Variants in TBC1D9 observed in about 807,000 individuals in gnomAD.
TBC1D9 encodes the protein TBC1 domain family member 9.
In TBC1D9, 63 loss-of-function variants were observed where a neutral mutation model predicts 132.0. The ratio of observed to expected loss-of-function variants is 0.48; its 90% CI spans 0.39 to 0.59. The LOEUF is 0.59. TBC1D9 is among the 20% of genes least tolerant of loss of function. TBC1D9 has a pLI of 0.00. For missense variants in TBC1D9, 1,261 were observed against 1,592.7 expected (o/e 0.79, Z 3.54); for synonymous variants, 610 against 609.9 (o/e 1.00, Z 0.00).
At chr4:140,755,518 C>T (rs1738994202) in intron 1 of TBC1D9, among the ~76,000 whole-genome samples, 1 of 152,056 alleles carries the variant, frequency 6.6e-6, no homozygotes, top group Admixed American at 6.6e-5. Flanking sequence ...CTGCTGTTGC[C>T]AGTAAAGAAA....
intron 15 of TBC1D9, among the ~76,000 whole-genome samples, chr4:140,637,574 C>G (rs756654973): frequency 1.3e-5 from 2 of 152,200 alleles, no homozygotes; most frequent in Non-Finnish European, 2.9e-5. Context: ...GCCCTGAGAA[C>G]GTTTCTTCTG....
chr4:140,689,965 G>A (rs552663770), intron 2 of TBC1D9, among the ~76,000 whole-genome samples: 12 of 150,954 alleles, frequency 7.9e-5, no homozygotes, highest in East Asian at 2.0e-4. Flanking sequence ...CAAGCAATCC[G>A]CCAGCCTTGG....
intron 13 of TBC1D9, chr4:140,643,400 C>CT: frequency 2.6e-6 from 1 of 379,968 alleles, no homozygotes; most frequent in Non-Finnish European, 3.8e-6. Context: ...CCATGGCCAC[C>CT]TCCATGCCAG....
At chr4:140,657,017 G>A in intron 13 of TBC1D9, 80 bp downstream of exon 13, 1 of 1,520,326 alleles carries the variant, frequency 6.6e-7, no homozygotes, top group Non-Finnish European at 9.0e-7. Context: ...GTGGTATTCT[G>A]TTATAGCAGC....
chr4:140,747,214 TG>T (rs1738850438), intron 1 of TBC1D9, among the ~76,000 whole-genome samples: 1 of 151,904 alleles, frequency 6.6e-6, no homozygotes, highest in South Asian at 2.1e-4. Flanking sequence ...TAGCCAGGCA[TG>T]GTGGCATGCA....
chr4:140,707,436 T>C (rs1460472986), intron 1 of TBC1D9, among the ~76,000 whole-genome samples: 1 of 152,216 alleles, frequency 6.6e-6, no homozygotes, highest in Non-Finnish European at 1.5e-5. Context: ...ATATATCTTC[T>C]ATACACATGC....
At chr4:140,651,961 G>C (rs879455456) in intron 13 of TBC1D9, among the ~76,000 whole-genome samples, 5 of 152,108 alleles carry the variant, frequency 3.3e-5, no homozygotes, top group Non-Finnish European at 5.9e-5. Flanking sequence ...TTCCTTGGTT[G>C]GGCACGGTGG....
chr4:140,681,499 G>T (rs1380756378), intron 3 of TBC1D9, among the ~76,000 whole-genome samples: 1 of 152,192 alleles, frequency 6.6e-6, no homozygotes, highest in Non-Finnish European at 1.5e-5. Context: ...CTAGTTAAAA[G>T]TAAGCATGTA....
intron 3 of TBC1D9, among the ~76,000 whole-genome samples, chr4:140,682,539 C>A (rs1339205215): frequency 1.3e-5 from 2 of 152,108 alleles, no homozygotes; most frequent in African/African-American, 4.8e-5. Flanking sequence ...CACCTGTGGC[C>A]TATGTGACAT....
intron 13 of TBC1D9, chr4:140,644,726 G>C: frequency 2.4e-6 from 1 of 409,776 alleles, no homozygotes; most frequent in Non-Finnish European, 4.8e-6. Context: ...GAAAAGAGCT[G>C]CAACTGCTGG....
chr4:140,623,048 G>T, intron 20 of TBC1D9, 131 bp from the exon 21 acceptor site: 2 of 1,138,314 alleles, frequency 1.8e-6, no homozygotes, highest in Non-Finnish European at 2.3e-6. Context: ...TAGGCTGGAT[G>T]GACATGTTTA....
intron 13 of TBC1D9, among the ~76,000 whole-genome samples, chr4:140,640,447 T>G (rs201199235): frequency 2.2e-3 from 237 of 107,874 alleles, no homozygotes; most frequent in Middle Eastern, 4.4e-3. Context: ...GGTGGTGGGG[T>G]GGGGGGGGGA....
chr4:140,643,590 GC>G (rs1436797128), intron 13 of TBC1D9: 12 of 903,162 alleles, frequency 1.3e-5, no homozygotes, highest in Non-Finnish European at 1.7e-6. Flanking sequence ...GGCCGCCTGG[GC>G]CAGGCCTTCC....
chr4:140,637,070 A>G (rs182881052), intron 15 of TBC1D9, among the ~76,000 whole-genome samples: 97 of 152,310 alleles, frequency 6.4e-4, no homozygotes, highest in African/African-American at 2.3e-3. Flanking sequence ...ATGTGGTTTC[A>G]GCTGGGCGTA....
At chr4:140,752,812 T>C (rs1446834229) in intron 1 of TBC1D9, among the ~76,000 whole-genome samples, 6 of 152,216 alleles carry the variant, frequency 3.9e-5, no homozygotes, top group Non-Finnish European at 5.9e-5. Context: ...CTGTTTTTTA[T>C]AGCTTTCTGT....
At chr4:140,695,699 A>G (rs1419974584) in intron 2 of TBC1D9, among the ~76,000 whole-genome samples, 1 of 152,216 alleles carries the variant, frequency 6.6e-6, no homozygotes, top group East Asian at 1.9e-4. Context: ...AATGGGCAGA[A>G]AGCCAAATGG....
chr4:140,748,490 C>T (rs1738872487), intron 1 of TBC1D9, among the ~76,000 whole-genome samples: 1 of 152,070 alleles, frequency 6.6e-6, no homozygotes, highest in South Asian at 2.1e-4. Context: ...TAAAGAACAC[C>T]TACTACCCCT....
Position 140,662,088 on chromosome 4 carries a change from G to A in TBC1D9, c.1608C>T (p.Ala536=). The A allele has an allele frequency of 1.2e-6, 2 of 1,613,760 alleles. No homozygotes were observed. Among genetic ancestry groups the A allele is most frequent in the Middle Eastern group, 1.6e-4 (1 of 6,062 alleles). ...GGTCTTCATAGTACCCAGGATGTGT[G>A]GCCTTCTCATTGATGGCACCTGAGA... ...LLLSGAINEK[A]THPGYYEDLV... is the part of the protein sequence containing the mutation. Residue 536 remains alanine (A), a synonymous_variant, in exon 10 of 21, where the codon GCC becomes GCT. Coordinates refer to ENST00000442267, the MANE Select transcript of TBC1D9 (RefSeq NM_015130.3).
chr4:140,722,628 A>T (rs1307344237), intron 1 of TBC1D9, among the ~76,000 whole-genome samples: 1 of 152,186 alleles, frequency 6.6e-6, no homozygotes, highest in Non-Finnish European at 1.5e-5. Flanking sequence ...GAACACTAAA[A>T]TTCTGACCTA....
Sources: gnomAD v4.1 joint callset for allele counts (sites outside exome capture counted in the v4.1 genomes callset) on GRCh38, gnomAD v4.1.1 for gene constraint, MANE v1.5 for transcripts, NCBI Gene and HGNC (gene_info 2026-07-23, HGNC 2026-07-21) for gene names.